EEF2K: variants seen among roughly 807,000 people sequenced by gnomAD.
EEF2K encodes eukaryotic elongation factor 2 kinase.
In EEF2K, 70 loss-of-function variants were observed where a neutral mutation model predicts 93.8. The ratio of observed to expected loss-of-function variants is 0.75; its 90% confidence interval spans 0.62 to 0.91. The LOEUF (loss-of-function observed/expected upper bound fraction) is 0.91, where lower values mean the gene tolerates loss of function less well. EEF2K is among the 40% of genes least tolerant of loss of function. The probability of loss-of-function intolerance (pLI) is 0.00; values close to 1 mark genes in which losing one functional copy is unlikely to be tolerated. For synonymous variants in EEF2K, 376 were observed against 380.8 expected (o/e 0.99, Z 0.15); for missense variants, 935 against 972.9 (o/e 0.96, Z 0.52).
At chr16:22,264,421 T>C (rs1481250524) in intron 12 of EEF2K, among the ~76,000 whole-genome samples, 1 of 151,782 alleles carries the variant, frequency 6.6e-6, no homozygotes, top group Non-Finnish European at 1.5e-5. Flanking sequence ...CAGTGAGCTT[T>C]GATCACACTG....
chr16:22,235,066 T>C (rs2047154692), intron 2 of EEF2K, among the ~76,000 whole-genome samples: 1 of 151,430 alleles, frequency 6.6e-6, no homozygotes, highest in Non-Finnish European at 1.5e-5. Context: ...TACAAAAAAT[T>C]AGCCGGGCAT....
chr16:22,257,030 C>A, intron 7 of EEF2K, 133 bp downstream of exon 7: 1 of 1,441,544 alleles, frequency 6.9e-7, no homozygotes, highest in Non-Finnish European at 9.3e-7. Context: ...TTGGAGCATT[C>A]AGAAGGAGAC....
intron 17 of EEF2K, among the ~76,000 whole-genome samples, chr16:22,281,718 G>A (rs1286255368): frequency 6.6e-6 from 1 of 152,112 alleles, no homozygotes; most frequent in East Asian, 1.9e-4. Flanking sequence ...ATATAACTGG[G>A]AGTATACAAT....
intron 1 of EEF2K, among the ~76,000 whole-genome samples, chr16:22,208,107 A>G (rs934711070): frequency 3.9e-5 from 6 of 152,194 alleles, no homozygotes; most frequent in African/African-American, 1.4e-4. Flanking sequence ...CTCAGCCCCC[A>G]TTCTCAAAGA....
At chr16:22,282,078 T>C (rs2047698704) in intron 17 of EEF2K, among the ~76,000 whole-genome samples, 1 of 152,026 alleles carries the variant, frequency 6.6e-6, no homozygotes, top group Admixed American at 6.6e-5. Context: ...CTGGGCAACA[T>C]AGGTAAACCT....
At position 22,247,249 on chromosome 16, in the gene EEF2K, T is replaced by G. The variant is rs374389486; in HGVS notation, c.348-1506T>G. ...TGAGGCCAGGAGTTCAAGATCAGCC[T>G]GGCCAACATGGTGAAACTCCATCTC... On this transcript the variant is annotated intron_variant, in intron 3 of 17. Coordinates refer to ENST00000263026, the MANE Select transcript of EEF2K (RefSeq NM_013302.5). Among the ~76,000 whole-genome samples, 124 of 151,296 alleles carry G rather than the reference T, an allele frequency of 8.2e-4. 4 individuals are homozygous for G. In the South Asian group the frequency reaches 0.025, roughly 31 times the overall value.
chr16:22,266,828 C>G lies in EEF2K; in HGVS notation c.1716C>G (p.Leu572=). The change falls in exon 15 of 18, where the codon CTC becomes CTG. Residue 572 remains leucine (L), a synonymous_variant. Transcript: ENST00000263026. ...GELEAIVGLG[L]MYSQLPHHIL... is the part of the protein sequence containing the mutation. The stretch of plus-strand genomic sequence containing the variant: ...TGGAGGCCATCGTGGGCCTGGGACT[C>G]ATGTACTCGCAGTTGCCTCATCACA... 3 of 1,613,964 alleles carry G rather than the reference C, an allele frequency of 1.9e-6. No individual in the cohort carries two copies. The highest frequency in any genetic ancestry group is 2.5e-6 in the Non-Finnish European group (3 of 1,179,924).
chr16:22,213,567 A>C (rs1410508966), intron 1 of EEF2K, among the ~76,000 whole-genome samples: 2 of 152,288 alleles, frequency 1.3e-5, no homozygotes, highest in East Asian at 3.9e-4. Context: ...TGCTGTAACA[A>C]ATTGCTGCAA....
rs1263071968 is a variant in EEF2K at position 22,225,859 on chromosome 16, G to T, written c.130G>T (p.Asp44Tyr). Residue 44 changes from aspartate (D) to tyrosine (Y), a missense_variant, in exon 2 of 18, where the codon GAT becomes TAT. Coordinates refer to ENST00000263026, the MANE Select transcript of EEF2K (RefSeq NM_013302.5). ...AGGTTACTTCATCTGCCCCATCACG[G>T]ATGACCCAAGCTCGAACCAGAATGT... The part of the protein sequence containing the change: ...EEGYFICPIT[D>Y]DPSSNQNVNS... 6.2e-7 allele frequency: 1 copy of T among 1,614,058 alleles called. No homozygotes were observed. Among genetic ancestry groups the T allele is most frequent in the Non-Finnish European group, 8.5e-7 (1 of 1,180,046 alleles).
intron 3 of EEF2K, among the ~76,000 whole-genome samples, chr16:22,246,733 T>A (rs1409363462): frequency 1.3e-5 from 2 of 151,438 alleles, no homozygotes; most frequent in Non-Finnish European, 2.9e-5. Context: ...GTTGTCTCCT[T>A]AAGCAAGCCA....
chr16:22,244,393 G>C (rs914333669), intron 2 of EEF2K, among the ~76,000 whole-genome samples: 5 of 150,658 alleles, frequency 3.3e-5, no homozygotes, highest in African/African-American at 1.2e-4. Context: ...TCAACTCTTT[G>C]ATCCAAGCGT....
intron 3 of EEF2K, 116 bp downstream of exon 3, chr16:22,244,846 G>A: frequency 1.9e-6 from 2 of 1,031,870 alleles, no homozygotes. Context: ...AATCATAACA[G>A]CAGCTAATAT....
Position 22,251,214 on chromosome 16 carries a change from G to A in EEF2K, c.510G>A (p.Lys170=). ...AGGGCGCCTCCAACTACGTGGCGAA[G>A]CGCTACATCGAGCCCGTAGACCGGG... The part of the protein sequence containing the change: ...QWKGASNYVA[K]RYIEPVDRDV... The change falls in exon 6 of 18, where the codon AAG becomes AAA. Residue 170 remains lysine (K), a synonymous_variant. Transcript: ENST00000263026. 2 of 1,614,136 alleles carry A rather than the reference G, an allele frequency of 1.2e-6. No individual in the cohort carries two copies. The highest frequency in any genetic ancestry group is 1.7e-6 in the Non-Finnish European group (2 of 1,180,016).
chr16:22,228,003 A>ATTT (rs2047079691), intron 2 of EEF2K, among the ~76,000 whole-genome samples: 1 of 136,396 alleles, frequency 7.3e-6, no homozygotes, highest in Non-Finnish European at 1.6e-5. Context: ...GATAAACCAA[A>ATTT]TTCTTTTTTT....
At position 22,225,980 on chromosome 16, in the gene EEF2K, G is replaced by A. The variant is rs1386511267; in HGVS notation, c.246+5G>A. 1 of 1,613,426 alleles carries A rather than the reference G, an allele frequency of 6.2e-7. No homozygotes were observed. The highest frequency in any genetic ancestry group is 1.7e-5 in the Admixed American group (1 of 59,994). ...GCAAACTCCTTCCACTTCAAGGTGA[G>A]TGAGCCACCTATTCCACCTTCCCCA... On this transcript the variant is annotated splice_donor_5th_base_variant and intron_variant, in intron 2 of 17. Transcript: ENST00000263026.
At chr16:22,253,038 C>A (rs559128863) in intron 6 of EEF2K, among the ~76,000 whole-genome samples, 1 of 152,274 alleles carries the variant, frequency 6.6e-6, no homozygotes, top group African/African-American at 2.4e-5. Flanking sequence ...ATAGTGGATA[C>A]TATGTCTGCT....
chr16:22,217,065 A>G (rs2046964196), intron 1 of EEF2K, among the ~76,000 whole-genome samples: 1 of 147,430 alleles, frequency 6.8e-6, no homozygotes, highest in African/African-American at 2.5e-5. Context: ...GGCGGCTTAT[A>G]TGGGAGGATC....
chr16:22,215,818 G>A (rs988073159), intron 1 of EEF2K, among the ~76,000 whole-genome samples: 4 of 152,156 alleles, frequency 2.6e-5, no homozygotes, highest in East Asian at 1.9e-4. Flanking sequence ...CCAGCTACTC[G>A]GGAGGCCGAG....
At position 22,266,738 on chromosome 16, in the gene EEF2K, G is replaced by A; in HGVS notation, c.1626G>A (p.Lys542=). The A allele has an allele frequency of 6.2e-7, 1 of 1,614,130 alleles. No homozygotes were observed. The highest frequency in any genetic ancestry group is 8.5e-7 in the Non-Finnish European group (1 of 1,179,998). The change falls in exon 15 of 18, where the codon AAG becomes AAA. Residue 542 remains lysine, a synonymous_variant. Transcript: ENST00000263026. ...ACGAGGGTGGGCGCTTCTGCGAGAA[G>A]GGCGAGGAGTGGGACCAGGAGTCGG... The part of the protein sequence containing the change: ...RYHEGGRFCE[K]GEEWDQESAV...
Sources: allele counts gnomAD v4.1 joint callset (sites outside exome capture counted in the v4.1 genomes callset), GRCh38; gene constraint gnomAD v4.1.1; transcripts MANE v1.5; gene names NCBI Gene and HGNC (gene_info 2026-07-23, HGNC 2026-07-21).